Variants in GFRA1 observed in about 807,000 individuals in gnomAD.
GFRA1 encodes GDNF family receptor alpha 1.
In GFRA1, 16 loss-of-function variants were observed where a neutral mutation model predicts 51.6. The observed-to-expected ratio is 0.31, with a 90% CI of 0.21 to 0.47. The LOEUF (loss-of-function observed/expected upper bound fraction) is 0.47, where lower values mean the gene tolerates loss of function less well. GFRA1 is among the 20% of genes least tolerant of loss of function. The pLI is 1.00. For missense variants in GFRA1, 530 were observed against 594.3 expected, an observed-to-expected ratio of 0.89 and a Z score of 1.13; for synonymous variants, 270 against 241.3, an observed-to-expected ratio of 1.12 and a Z score of -1.10.
chr10:116,079,155 T>C (rs1311940180), intron 9 of GFRA1, among the ~76,000 whole-genome samples: 3 of 152,022 alleles, frequency 2.0e-5, no homozygotes, highest in Non-Finnish European at 4.4e-5. Context: ...CATGTGAGGA[T>C]ACAGTAGGAA....
At chr10:116,176,056 T>C (rs190631968) in intron 5 of GFRA1, among the ~76,000 whole-genome samples, 102 of 152,338 alleles carry the variant, frequency 6.7e-4, no homozygotes, top group African/African-American at 2.3e-3. Flanking sequence ...TTGGAAAAGA[T>C]GACAAACAGA....
intron 9 of GFRA1, among the ~76,000 whole-genome samples, chr10:116,066,900 G>A (rs1362757605): frequency 6.6e-6 from 1 of 152,214 alleles, no homozygotes; most frequent in Admixed American, 6.5e-5. Context: ...CAGGCTGCCT[G>A]TTGTGACTTC....
At chr10:116,243,352 A>G (rs1313458283) in intron 4 of GFRA1, among the ~76,000 whole-genome samples, 1 of 152,192 alleles carries the variant, frequency 6.6e-6, no homozygotes, top group African/African-American at 2.4e-5. Flanking sequence ...TCAATAACCC[A>G]AGAAGGCATG....
chr10:116,260,500 T>C (rs951189582), intron 4 of GFRA1, among the ~76,000 whole-genome samples: 1 of 152,218 alleles, frequency 6.6e-6, no homozygotes, highest in East Asian at 1.9e-4. Context: ...AATCCTCCTG[T>C]GGCTGGAGAG....
chr10:116,210,031 G>A (rs1965068915), intron 5 of GFRA1, among the ~76,000 whole-genome samples: 2 of 152,136 alleles, frequency 1.3e-5, no homozygotes, highest in African/African-American at 4.8e-5. Flanking sequence ...ATGTTATTAA[G>A]TCTCGATAGC....
At chr10:116,200,002 A>G (rs950669638) in intron 5 of GFRA1, among the ~76,000 whole-genome samples, 2 of 152,212 alleles carry the variant, frequency 1.3e-5, no homozygotes, top group African/African-American at 2.4e-5. Flanking sequence ...GACTGCCTTC[A>G]CTCAGTGTAA....
Position 116,157,379 on chromosome 10 carries a change from G to A in GFRA1, c.434-31822C>T, listed in dbSNP as rs12253625. ...GCAGAAACACTGCTGATCGCACCCT[G>A]TGGAACCAGCTGCTTGGCAATGCTT... On this transcript the variant is annotated intron_variant, in intron 5 of 10. Coordinates refer to ENST00000355422, the MANE Select transcript of GFRA1 (RefSeq NM_005264.8). 1.7e-3 allele frequency among the ~76,000 whole-genome samples: 264 copies of A among 152,294 alleles called. 2 individuals carry two copies. Among genetic ancestry groups the A allele is most frequent in the Middle Eastern group, 0.01 (3 of 294 alleles).
chr10:116,064,366 T>C lies in GFRA1; in HGVS notation c.*32A>G, dbSNP rs1231071294. The C allele has an allele frequency of 2.5e-6, 4 of 1,599,362 alleles. No homozygotes were observed. Among genetic ancestry groups the C allele is most frequent in the Non-Finnish European group, 3.4e-6 (4 of 1,169,190 alleles). On this transcript the variant is annotated 3_prime_UTR_variant, in exon 11 of 11. Transcript: ENST00000355422. ...AACAGATAACTTGGTTTTTGTCTTT[T>C]TACATGTCCATATTGTATTTTTTTA...
At chr10:116,074,104 G>A (rs1430683998) in intron 9 of GFRA1, among the ~76,000 whole-genome samples, 2 of 152,152 alleles carry the variant, frequency 1.3e-5, no homozygotes. Context: ...GATCCCATCT[G>A]CCTTTTACCA....
At position 116,225,178 on chromosome 10, in the gene GFRA1, A is replaced by C. The variant is rs566651838; in HGVS notation, c.419-13533T>G. 3.7e-4 allele frequency among the ~76,000 whole-genome samples: 56 copies of C among 152,240 alleles called. No homozygotes were observed. In the Middle Eastern group the frequency reaches 0.01, roughly 28 times the overall value. On this transcript the variant is annotated intron_variant, in intron 4 of 10. Transcript: ENST00000355422. The stretch of plus-strand genomic sequence containing the variant: ...AAAACTCAGACACCAGATTACAAAA[A>C]CTTAGGTCACCAAAAAAGGTAAAAT...
intron 5 of GFRA1, among the ~76,000 whole-genome samples, chr10:116,131,904 GAAAA>G (rs71010066): frequency 2.6e-4 from 26 of 100,160 alleles, no homozygotes; most frequent in South Asian, 2.0e-3. Flanking sequence ...ATCTCAAAAG[GAAAA>G]AAAAAAAAAA....
intron 10 of GFRA1, among the ~76,000 whole-genome samples, chr10:116,065,137 ACAG>A (rs962064782): frequency 4.3e-4 from 66 of 152,270 alleles, no homozygotes; most frequent in African/African-American, 1.5e-3. Flanking sequence ...GGGCCCACAC[ACAG>A]CAGAATTTTC....
At chr10:116,158,504 C>T (rs1959391773) in intron 5 of GFRA1, among the ~76,000 whole-genome samples, 1 of 152,174 alleles carries the variant, frequency 6.6e-6, no homozygotes, top group Admixed American at 6.6e-5. Context: ...TCTATGCAAC[C>T]TAGAATTAAA....
chr10:116,211,588 G>A (rs1017064120), intron 5 of GFRA1, 43 bp downstream of exon 5: 4 of 1,526,674 alleles, frequency 2.6e-6, no homozygotes, highest in Non-Finnish European at 3.6e-6. Context: ...GTTCCCCAAA[G>A]AGCACAGCCA....
chr10:116,086,651 G>C (rs1173580621), intron 9 of GFRA1, among the ~76,000 whole-genome samples: 1 of 152,158 alleles, frequency 6.6e-6, no homozygotes, highest in Non-Finnish European at 1.5e-5. Context: ...GGCTCCCTGG[G>C]AGTCAAATGC....
At chr10:116,110,566 T>C (rs1158512266) in intron 6 of GFRA1, among the ~76,000 whole-genome samples, 1 of 152,150 alleles carries the variant, frequency 6.6e-6, no homozygotes, top group Admixed American at 6.5e-5. Context: ...GGGAGCCACC[T>C]AGAGAGAGTT....
At chr10:116,224,904 T>C (rs1032793587) in intron 4 of GFRA1, among the ~76,000 whole-genome samples, 2 of 152,202 alleles carry the variant, frequency 1.3e-5, no homozygotes, top group Admixed American at 6.5e-5. Context: ...GAGCCACAGC[T>C]AGGCAAGTCA....
Position 116,134,111 on chromosome 10 carries a change from T to C in GFRA1, c.434-8554A>G, listed in dbSNP as rs190777551. ...ATGAGGTAGAATAAAACAGTAAATA[T>C]ATTAAAATCTGCATGGCCTGCAAGA... On this transcript the variant is annotated intron_variant, in intron 5 of 10. Coordinates refer to ENST00000355422, the MANE Select transcript of GFRA1 (RefSeq NM_005264.8). Among the ~76,000 whole-genome samples, 179 of 152,300 alleles carry C rather than the reference T, an allele frequency of 1.2e-3. 1 individual carries two copies. Among genetic ancestry groups the C allele is most frequent in the African/African-American group, 5.3e-4 (22 of 41,560 alleles).
chr10:116,154,597 G>A (rs1959169082), intron 5 of GFRA1, among the ~76,000 whole-genome samples: 1 of 152,152 alleles, frequency 6.6e-6, no homozygotes, highest in African/African-American at 2.4e-5. Flanking sequence ...TCTGGATCCT[G>A]GTCATGCTTT....
Sources: allele counts gnomAD v4.1 joint callset (sites outside exome capture counted in the v4.1 genomes callset), GRCh38; gene constraint gnomAD v4.1.1; transcripts MANE v1.5; gene names NCBI Gene and HGNC (gene_info 2026-07-23, HGNC 2026-07-21).